MVB12A: variants seen among roughly 807,000 people sequenced by gnomAD.
MVB12A encodes the protein CIN85/CD2AP family binding protein.
Under a neutral mutation model 34.3 loss-of-function variants are expected in MVB12A, and 30 were observed. The ratio of observed to expected loss-of-function variants is 0.88; its 90% confidence interval spans 0.65 to 1.19. The LOEUF (loss-of-function observed/expected upper bound fraction) is 1.19. MVB12A is among the 50% of genes most tolerant of loss of function. The pLI, the probability that MVB12A is intolerant of heterozygous loss-of-function variation, is 0.00. For synonymous variants in MVB12A, 158 were observed against 158.9 expected, an observed-to-expected ratio of 0.99 and a Z score of 0.04; for missense variants, 355 against 369.2, an observed-to-expected ratio of 0.96 and a Z score of 0.31.
intron 1 of MVB12A, chr19:17,405,853 C>G (rs1344916979): frequency 8.4e-6 from 3 of 359,248 alleles, no homozygotes; most frequent in Admixed American, 4.6e-5. Context: ...GCCTGGGACA[C>G]TCCATCTTAA....
At chr19:17,424,208 G>A in intron 7 of MVB12A, 141 bp downstream of exon 7, 2 of 785,236 alleles carry the variant, frequency 2.5e-6, no homozygotes, top group South Asian at 3.2e-5. Context: ...GGTGGCAGCT[G>A]GAAGGTCTTC....
chr19:17,410,467 C>T (rs947053809), intron 2 of MVB12A, among the ~76,000 whole-genome samples: 5 of 136,586 alleles, frequency 3.7e-5, no homozygotes, highest in African/African-American at 1.4e-4. Context: ...CCACTGCACC[C>T]AGCCGCTAGC....
chr19:17,424,090 C>T, intron 7 of MVB12A, 23 bp downstream of exon 7: 1 of 1,611,668 alleles, frequency 6.2e-7, no homozygotes, highest in Non-Finnish European at 8.5e-7. Context: ...CTCAGGGAGC[C>T]TGGGTCTGCG....
At position 17,420,224 on chromosome 19, in the gene MVB12A, C is replaced by A. The variant is rs773029690; in HGVS notation, c.89C>A (p.Ala30Glu). 2 of 1,492,088 alleles carry A rather than the reference C, an allele frequency of 1.3e-6. No homozygotes were observed. The highest frequency in any genetic ancestry group is 1.4e-5 in the South Asian group (1 of 72,306). The allele number at this position is 1,492,088 out of a possible 1,614,324, so 92.4% of individuals were successfully genotyped here. ...GCACCCCCGCCGCGGGGGTTCAGCGCGGTGAGCGGCGTCGAGGGGCGGGGG... is the reference window on the plus strand; with the variant it reads ...GCACCCCCGCCGCGGGGGTTCAGCGAGGTGAGCGGCGTCGAGGGGCGGGGG... The part of the protein sequence containing the change: ...ASAPPPRGFS[A>E]ISCTVEGAPA... Residue 30 changes from alanine (A) to glutamate (E), a missense_variant and splice_region_variant, in exon 1 of 9, where the codon GCG becomes GAG. By Grantham distance (107) the Ala-to-Glu change is moderately radical. Transcript: ENST00000317040.
chr19:17,425,077 C>A lies in MVB12A; in HGVS notation c.*84C>A. The A allele has an allele frequency of 2.1e-6, 1 of 477,258 alleles. No homozygotes were observed. The highest frequency in any genetic ancestry group is 3.3e-6 in the Non-Finnish European group (1 of 300,626). 29.6% of individuals were successfully genotyped at this position (477,258 alleles called of 1,614,324 possible). On this transcript the variant is annotated 3_prime_UTR_variant, in exon 9 of 9. Transcript: ENST00000317040. Reference sequence around the variant, plus strand: ...ACCCCCCCTCACTGCATCCTGGGGCCACCCCCACTCACTGCATCCTGGGAA... The same window carrying A: ...ACCCCCCCTCACTGCATCCTGGGGCAACCCCCACTCACTGCATCCTGGGAA...
chr19:17,424,399 T>C (rs538513290), intron 7 of MVB12A, among the ~76,000 whole-genome samples: 2 of 152,160 alleles, frequency 1.3e-5, no homozygotes, highest in East Asian at 1.9e-4. Context: ...CTGGCCAACA[T>C]GGTGAAACCT....
upstream of MVB12A, chr19:17,417,213 CTT>C (rs35583565): frequency 1.6e-3 from 155 of 96,990 alleles, no homozygotes; most frequent in Middle Eastern, 7.5e-3. Context: ...TCACCCAGAG[CTT>C]TTTTTTTTTT....
upstream of MVB12A, among the ~76,000 whole-genome samples, chr19:17,416,746 C>A (rs2074802176): frequency 6.7e-6 from 1 of 148,840 alleles, no homozygotes; most frequent in Non-Finnish European, 1.5e-5. Context: ...GTCACCCAAG[C>A]TGGAGTGCAG....
At position 17,420,372 on chromosome 19, in the gene MVB12A, T is replaced by G. The variant is rs1259315985; in HGVS notation, c.150T>G (p.Ser50=). ...ASFGKSFAQK[S]GYFLCLSSLG... Reference sequence around the variant, plus strand: ...TTGGCAAGAGCTTCGCGCAGAAATCTGGCTACTTCCTGTGCCTTAGTTCTC... The same window carrying G: ...TTGGCAAGAGCTTCGCGCAGAAATCGGGCTACTTCCTGTGCCTTAGTTCTC... The change falls in exon 2 of 9, where the codon TCT becomes TCG. Residue 50 remains serine (S), a synonymous_variant. Transcript: ENST00000317040. 6.2e-7 allele frequency: 1 copy of G among 1,613,584 alleles called. No homozygotes were observed. The highest frequency in any genetic ancestry group is 2.2e-5 in the East Asian group (1 of 44,878).
chr19:17,425,074 GGC>G lies in MVB12A; in HGVS notation c.*82_*83del. 2 of 499,856 alleles carry G rather than the reference GGC, an allele frequency of 4.0e-6. No homozygotes were observed. Among genetic ancestry groups the G allele is most frequent in the Non-Finnish European group, 3.1e-6 (1 of 318,046 alleles). The allele number at this position is 499,856 out of a possible 1,614,324, so 31.0% of individuals were successfully genotyped here. On this transcript the variant is annotated 3_prime_UTR_variant, in exon 9 of 9. Transcript: ENST00000317040. ...GCCACCCCCCCTCACTGCATCCTGG[GGC>G]CACCCCCACTCACTGCATCCTGGGA...
intron 2 of MVB12A, among the ~76,000 whole-genome samples, chr19:17,410,529 T>TATATATATATATATATACACACAC: frequency 1.3e-5 from 1 of 74,476 alleles, no homozygotes; most frequent in African/African-American, 6.6e-5. Flanking sequence ...TATATATATA[T>TATATATATATATATATACACACAC]ACACACACAC....
At chr19:17,423,363 A>C (rs1275843595) in intron 4 of MVB12A, 135 bp from the exon 5 acceptor site, 101 of 711,210 alleles carry the variant, frequency 1.4e-4, no homozygotes, top group East Asian at 9.9e-4. Context: ...CCGTCCCCAA[A>C]AAAAAAAAAA....
intron 1 of MVB12A, chr19:17,405,816 C>G: frequency 6.7e-6 from 3 of 445,774 alleles, no homozygotes. Flanking sequence ...TGGGCCCTTC[C>G]CAGCTGGGTG....
In MVB12A at chr19:17,425,320, C is replaced by T. The variant is rs2074865501; in HGVS notation, c.*327C>T. ...GGTGTCCTCCTGGCAATAAACACTA[C>T]CCGGTTCTCGCCCTCTGGAGTCCTG... is the stretch of plus-strand genomic sequence containing the variant. On this transcript the variant is annotated 3_prime_UTR_variant, in exon 9 of 9. Transcript: ENST00000317040. 5.7e-6 allele frequency: 2 copies of T among 352,420 alleles called. No individual in the cohort carries two copies. Among genetic ancestry groups the T allele is most frequent in the East Asian group, 9.8e-5 (2 of 20,472 alleles). 21.8% of individuals were successfully genotyped at this position (352,420 alleles called of 1,614,324 possible). A position where few individuals can be genotyped will look rare whatever the true frequency, so the allele number is the denominator to read the frequency against.
chr19:17,424,320 G>A (rs1000554402), intron 7 of MVB12A, among the ~76,000 whole-genome samples: 16 of 152,148 alleles, frequency 1.1e-4, no homozygotes, highest in Non-Finnish European at 1.8e-4. Context: ...GGTGGCTCAC[G>A]ACTGTGATCC....
chr19:17,420,297 C>G lies in MVB12A; in HGVS notation c.91-16C>G, dbSNP rs776897000. Reference sequence around the variant, plus strand: ...GTGGGGTGGGAGTCCGGCGCTGACCCGCGTCCTCCCGGTAGATCTCCTGCA... The same window carrying G: ...GTGGGGTGGGAGTCCGGCGCTGACCGGCGTCCTCCCGGTAGATCTCCTGCA... On this transcript the variant is annotated splice_polypyrimidine_tract_variant and intron_variant, in intron 1 of 8. Coordinates refer to ENST00000317040, the MANE Select transcript of MVB12A (RefSeq NM_138401.4). The G allele has an allele frequency of 1.3e-6, 2 of 1,580,230 alleles. No individual in the cohort carries two copies. The highest frequency in any genetic ancestry group is 2.3e-5 in the South Asian group (2 of 88,088).
At chr19:17,407,832 T>C (rs1487136096) in intron 2 of MVB12A, among the ~76,000 whole-genome samples, 1 of 152,178 alleles carries the variant, frequency 6.6e-6, no homozygotes, top group African/African-American at 2.4e-5. Flanking sequence ...CCTTTCCCGG[T>C]CTGCTAAGTA....
At chr19:17,419,869 G>A, upstream of MVB12A, 1 of 329,342 alleles carries the variant, frequency 3.0e-6, no homozygotes, top group Non-Finnish European at 5.5e-6. Flanking sequence ...AAGTTGCTGG[G>A]CGCGGAAAGC....
rs909065676 is a variant in MVB12A, at chr19:17,425,232, G to A, written c.*239G>A. The A allele has an allele frequency of 1.9e-6, 1 of 518,016 alleles. No individual in the cohort carries two copies. Among genetic ancestry groups the A allele is most frequent in the African/African-American group, 2.0e-5 (1 of 50,820 alleles). 32.1% of individuals were successfully genotyped at this position (518,016 alleles called of 1,614,324 possible). A position where few individuals can be genotyped will look rare whatever the true frequency, so the allele number is the denominator to read the frequency against. The stretch of plus-strand genomic sequence containing the variant: ...CGCCCTGCCGGGCAGGGCTGGAGCT[G>A]GACAGAAGCCAGTGCCTTTAAGTCA... On this transcript the variant is annotated 3_prime_UTR_variant, in exon 9 of 9. Coordinates refer to ENST00000317040, the MANE Select transcript of MVB12A (RefSeq NM_138401.4).
Sources: allele counts gnomAD v4.1 joint callset (sites outside exome capture counted in the v4.1 genomes callset), GRCh38; gene constraint gnomAD v4.1.1; transcripts MANE v1.5; gene names NCBI Gene and HGNC (gene_info 2026-07-23, HGNC 2026-07-21).